The following TBCK variants were observed in gnomAD, a reference collection of about 807,000 sequenced individuals.
TBCK encodes the protein TBC1 domain containing kinase, also known as TBC domain-containing protein kinase-like protein.
In TBCK, 99 loss-of-function variants were observed where a neutral mutation model predicts 113.4. The ratio of observed to expected loss-of-function variants is 0.87; its 90% CI spans 0.74 to 1.03. The LOEUF is 1.03. Ranked by LOEUF, TBCK falls within the 50% of genes least tolerant of loss-of-function variation. TBCK has a pLI of 0.00. For missense variants in TBCK, 1,045 were observed against 1,061.3 expected, an observed-to-expected ratio of 0.98 and a Z score of 0.21; for synonymous variants, 369 against 370.8, an observed-to-expected ratio of 1.00 and a Z score of 0.05.
chr4:106,095,450 T>C (rs557595203), intron 25 of TBCK, 32 bp downstream of exon 25: 2 of 1,596,076 alleles, frequency 1.3e-6, no homozygotes, highest in Admixed American at 1.7e-5. Flanking sequence ...TCACTCATCA[T>C]ATGTACATAT....
intron 2 of TBCK, among the ~76,000 whole-genome samples, chr4:106,296,095 C>T (rs1187708415): frequency 6.6e-6 from 1 of 152,154 alleles, no homozygotes; most frequent in Non-Finnish European, 1.5e-5. Flanking sequence ...AACAGATCAA[C>T]TGATCAAGAT....
chr4:106,122,357 A>T (rs1744525306), intron 23 of TBCK, among the ~76,000 whole-genome samples: 1 of 152,302 alleles, frequency 6.6e-6, no homozygotes, highest in East Asian at 1.9e-4. Flanking sequence ...GACCAATAAC[A>T]GGAGCTGAAA....
At chr4:106,124,031 C>G (rs1744815400) in intron 23 of TBCK, among the ~76,000 whole-genome samples, 2 of 150,932 alleles carry the variant, frequency 1.3e-5, no homozygotes, top group Non-Finnish European at 1.5e-5. Flanking sequence ...AGCTTCTGCA[C>G]AGCAAAAGAA....
chr4:106,278,971 A>T (rs1041258878), intron 3 of TBCK, among the ~76,000 whole-genome samples: 4 of 152,156 alleles, frequency 2.6e-5, no homozygotes, highest in African/African-American at 4.8e-5. Flanking sequence ...CCAAGTGCTT[A>T]TTTAGTTGTA....
intron 20 of TBCK, among the ~76,000 whole-genome samples, chr4:106,206,971 A>G (rs1755572806): frequency 6.6e-6 from 1 of 152,184 alleles, no homozygotes; most frequent in African/African-American, 2.4e-5. Context: ...ACAACTCTTC[A>G]TAATTTGCAA....
At chr4:106,060,641 T>C (rs1735931103) in intron 25 of TBCK, among the ~76,000 whole-genome samples, 1 of 151,754 alleles carries the variant, frequency 6.6e-6, no homozygotes, top group Admixed American at 6.6e-5. Context: ...TTCTAACACA[T>C]TTTGCAATCC....
chr4:106,240,010 G>A (rs2150023802), intron 12 of TBCK, among the ~76,000 whole-genome samples: 1 of 151,972 alleles, frequency 6.6e-6, no homozygotes, highest in Non-Finnish European at 1.5e-5. Context: ...AAACACAAAT[G>A]TATAAAAAAG....
At chr4:106,274,851 G>T (rs1763842639) in intron 3 of TBCK, among the ~76,000 whole-genome samples, 1 of 152,138 alleles carries the variant, frequency 6.6e-6, no homozygotes, top group African/African-American at 2.4e-5. Context: ...TTCAAAATCA[G>T]CTGAGCATGG....
At chr4:106,242,379 A>G in intron 12 of TBCK, 91 bp downstream of exon 12, 1 of 847,348 alleles carries the variant, frequency 1.2e-6, no homozygotes, top group Non-Finnish European at 1.7e-6. Flanking sequence ...ATTTTGTGAA[A>G]TCAAAGAGGC....
chr4:106,252,260 C>T (rs73838177), intron 5 of TBCK, among the ~76,000 whole-genome samples: 1,664 of 152,156 alleles, frequency 0.011, 31 homozygotes, highest in African/African-American at 0.038. Context: ...TTATTTGCTT[C>T]TCTCTGTGTT....
intron 3 of TBCK, among the ~76,000 whole-genome samples, chr4:106,286,377 G>T (rs938673684): frequency 1.3e-5 from 2 of 152,116 alleles, no homozygotes; most frequent in African/African-American, 4.8e-5. Context: ...AACCACTGAT[G>T]TTCATTGCCA....
chr4:106,316,556 TGCTGTGG>T (rs1339501181), upstream of TBCK: 5 of 1,551,638 alleles, frequency 3.2e-6, no homozygotes, highest in South Asian at 4.8e-5. Flanking sequence ...ACATGCTTCC[TGCTGTGG>T]CTGTCTCGGA....
intron 18 of TBCK, among the ~76,000 whole-genome samples, chr4:106,231,516 CTA>C (rs1390632025): frequency 1.3e-5 from 2 of 151,610 alleles, no homozygotes; most frequent in African/African-American, 4.8e-5. Context: ...TCAAATTCCA[CTA>C]AATTTCTAGT....
intron 2 of TBCK, among the ~76,000 whole-genome samples, chr4:106,295,452 C>T (rs1180978659): frequency 1.3e-5 from 2 of 152,010 alleles, no homozygotes; most frequent in Admixed American, 6.5e-5. Context: ...AAATAACTCA[C>T]CCTTCTTCTG....
chr4:106,113,828 G>A (rs1324373791), intron 24 of TBCK, among the ~76,000 whole-genome samples: 3 of 152,048 alleles, frequency 2.0e-5, no homozygotes, highest in African/African-American at 7.2e-5. Flanking sequence ...ACCCTCACCT[G>A]CTACTCTCTA....
rs1186194585 is a variant in TBCK, at chr4:106,244,625, C to T, written c.1070+1G>A. 6.3e-7 allele frequency: 1 copy of T among 1,583,608 alleles called. No individual in the cohort carries two copies. The highest frequency in any genetic ancestry group is 2.3e-5 in the East Asian group (1 of 43,540). ...TTCCCAAGAGAAGTTTCTTTCCTTACTTGGGGAGTGTGCAGATAGGTGGTT... is the reference window on the plus strand; with the variant it reads ...TTCCCAAGAGAAGTTTCTTTCCTTATTTGGGGAGTGTGCAGATAGGTGGTT... On this transcript the variant is annotated splice_donor_variant, in intron 11 of 25. Transcript: ENST00000394708. LOFTEE classifies it high-confidence loss of function.
intron 22 of TBCK, among the ~76,000 whole-genome samples, chr4:106,192,412 T>G (rs1339950963): frequency 6.6e-6 from 1 of 150,618 alleles, no homozygotes. Context: ...TATTCCCAGT[T>G]TGCGAAACTA....
At chr4:106,098,750 T>C (rs1741221121) in intron 24 of TBCK, among the ~76,000 whole-genome samples, 1 of 152,088 alleles carries the variant, frequency 6.6e-6, no homozygotes, top group Non-Finnish European at 1.5e-5. Context: ...AGTAAACATA[T>C]GAATTTTCTT....
At chr4:106,269,059 G>C (rs986618905) in intron 3 of TBCK, among the ~76,000 whole-genome samples, 2 of 152,044 alleles carry the variant, frequency 1.3e-5, no homozygotes, top group Non-Finnish European at 2.9e-5. Context: ...TATAAAACCT[G>C]ATCACTCCCA....
Sources: allele counts gnomAD v4.1 joint callset (sites outside exome capture counted in the v4.1 genomes callset), GRCh38; gene constraint gnomAD v4.1.1; transcripts MANE v1.5; gene names NCBI Gene and HGNC (gene_info 2026-07-23, HGNC 2026-07-21).